Variants in RBFOX1 observed in about 807,000 individuals in gnomAD.
RBFOX1 encodes the protein RNA binding protein fox-1 homolog 1.
RBFOX1 carries 8 observed loss-of-function variants against 57.7 expected under a neutral mutation model. The observed-to-expected ratio is 0.14, with a 90% CI of 0.08 to 0.25. RBFOX1 has a LOEUF of 0.25. RBFOX1 is among the 10% of genes least tolerant of loss of function. The probability of loss-of-function intolerance (pLI) is 1.00; values close to 1 mark genes in which losing one functional copy is unlikely to be tolerated. For synonymous variants in RBFOX1, 326 were observed against 222.4 expected (o/e 1.47, Z -4.15); for missense variants, 611 against 548.5 (o/e 1.11, Z -1.14).
At chr16:7,003,801 T>A (rs1400008394) in intron 3 of RBFOX1, among the ~76,000 whole-genome samples, 1 of 152,160 alleles carries the variant, frequency 6.6e-6, no homozygotes, top group Non-Finnish European at 1.5e-5. Context: ...GGGATGAGAC[T>A]AAAGGACAAT....
intron 4 of RBFOX1, among the ~76,000 whole-genome samples, chr16:7,063,083 C>G (rs1436922878): frequency 2.0e-5 from 3 of 151,930 alleles, no homozygotes; most frequent in Non-Finnish European, 1.5e-5. Flanking sequence ...CAATGCCTCC[C>G]TGATGCCTCT....
At chr16:7,408,061 T>A (rs2098376987) in intron 4 of RBFOX1, among the ~76,000 whole-genome samples, 1 of 152,220 alleles carries the variant, frequency 6.6e-6, no homozygotes, top group South Asian at 2.1e-4. Flanking sequence ...CACAACTGGA[T>A]GCTGGCAAGC....
intron 11 of RBFOX1, among the ~76,000 whole-genome samples, chr16:7,648,437 A>G (rs1321183236): frequency 6.6e-6 from 1 of 152,068 alleles, no homozygotes; most frequent in African/African-American, 2.4e-5. Context: ...GTTTCCCAGG[A>G]TGATCTTGAT....
chr16:5,579,588 C>T (rs1036692745), intron 2 of RBFOX1, among the ~76,000 whole-genome samples: 10 of 152,154 alleles, frequency 6.6e-5, no homozygotes, highest in African/African-American at 2.4e-4. Context: ...CTGCTCAAAC[C>T]ACGCCCTGGT....
At chr16:5,842,598 G>T (rs553239885) in intron 3 of RBFOX1, among the ~76,000 whole-genome samples, 48 of 152,170 alleles carry the variant, frequency 3.2e-4, no homozygotes, top group African/African-American at 1.1e-3. Context: ...TGTATGTCTG[G>T]CTCTGCTCTA....
At chr16:6,009,142 G>GC (rs1567251324) in intron 4 of RBFOX1, among the ~76,000 whole-genome samples, 1 of 149,804 alleles carries the variant, frequency 6.7e-6, no homozygotes, top group Non-Finnish European at 1.5e-5. Flanking sequence ...TTGTAAAAGA[G>GC]CCTCTTGTGC....
At chr16:5,601,562 G>C (rs1666843470), downstream of RBFOX1, 1 of 152,132 alleles carries the variant, frequency 6.6e-6, no homozygotes, top group Non-Finnish European at 1.5e-5. Context: ...CCTGGAGGAG[G>C]GATCATGCGG....
intron 1 of RBFOX1, among the ~76,000 whole-genome samples, chr16:6,165,688 G>A (rs994279645): frequency 2.0e-5 from 3 of 152,188 alleles, no homozygotes; most frequent in South Asian, 2.1e-4. Context: ...ACGTCTAAAC[G>A]CACAACATGC....
chr16:7,697,234 G>C (rs1426525322), intron 14 of RBFOX1, among the ~76,000 whole-genome samples: 1 of 152,146 alleles, frequency 6.6e-6, no homozygotes, highest in Non-Finnish European at 1.5e-5. Context: ...TGGGTGAGAA[G>C]TGGTCATCTT....
chr16:6,007,292 T>C (rs957365784), intron 4 of RBFOX1, among the ~76,000 whole-genome samples: 8 of 152,232 alleles, frequency 5.3e-5, no homozygotes, highest in Non-Finnish European at 8.8e-5. Context: ...ATGCTTGCTC[T>C]CCTGCTCTAA....
intron 10 of RBFOX1, among the ~76,000 whole-genome samples, chr16:7,622,811 A>T (rs537465938): frequency 1.3e-5 from 2 of 152,168 alleles, no homozygotes; most frequent in Non-Finnish European, 2.9e-5. Flanking sequence ...TCTGTGCCCA[A>T]ATGGAAATAT....
At chr16:5,734,887 G>A (rs2052516114) in intron 3 of RBFOX1, among the ~76,000 whole-genome samples, 2 of 152,164 alleles carry the variant, frequency 1.3e-5, no homozygotes, top group East Asian at 1.9e-4. Context: ...ACACCTTGGG[G>A]AGTAAGTGAC....
At chr16:6,889,678 C>A (rs1197669971) in intron 3 of RBFOX1, among the ~76,000 whole-genome samples, 1 of 152,202 alleles carries the variant, frequency 6.6e-6, no homozygotes, top group Admixed American at 6.5e-5. Context: ...TGTAGTCCAG[C>A]ACCTAATGGT....
At chr16:7,158,190 A>G (rs1200550333) in intron 4 of RBFOX1, among the ~76,000 whole-genome samples, 1 of 152,090 alleles carries the variant, frequency 6.6e-6, no homozygotes, top group Non-Finnish European at 1.5e-5. Context: ...CTATAAAAAT[A>G]CAAAAATTAG....
intron 1 of RBFOX1, among the ~76,000 whole-genome samples, chr16:5,296,357 T>G (rs1408714960): frequency 6.6e-6 from 1 of 152,180 alleles, no homozygotes; most frequent in African/African-American, 2.4e-5. Context: ...CTTCCCACAC[T>G]GTCATGTAAG....
intron 3 of RBFOX1, among the ~76,000 whole-genome samples, chr16:6,855,748 C>A (rs776145472): frequency 4.6e-5 from 7 of 151,680 alleles, no homozygotes; most frequent in Non-Finnish European, 7.4e-5. Context: ...CATTTAATTG[C>A]GCAGCCCTTG....
At chr16:6,192,881 C>T (rs1317084619) in intron 1 of RBFOX1, among the ~76,000 whole-genome samples, 1 of 152,056 alleles carries the variant, frequency 6.6e-6, no homozygotes, top group Non-Finnish European at 1.5e-5. Context: ...AGATGCAACA[C>T]CAAAGCTAAT....
chr16:7,185,971 T>G (rs1376277595), intron 4 of RBFOX1, among the ~76,000 whole-genome samples: 1 of 152,180 alleles, frequency 6.6e-6, no homozygotes, highest in East Asian at 1.9e-4. Context: ...TCTCAGCCAT[T>G]AGTTCCTATG....
intron 5 of RBFOX1, among the ~76,000 whole-genome samples, chr16:7,549,459 G>A (rs2085646713): frequency 6.6e-6 from 1 of 152,162 alleles, no homozygotes; most frequent in African/African-American, 2.4e-5. Context: ...TAGGATAGAT[G>A]TATATATAAG....
Sources: allele counts gnomAD v4.1 joint callset (sites outside exome capture counted in the v4.1 genomes callset), GRCh38; gene constraint gnomAD v4.1.1; transcripts MANE v1.5; gene names NCBI Gene and HGNC (gene_info 2026-07-23, HGNC 2026-07-21).